MYO1F: variants seen among roughly 807,000 people sequenced by gnomAD.
MYO1F encodes unconventional myosin-If.
A neutral mutation model predicts 146.6 loss-of-function variants in MYO1F; 60 were observed. The ratio of observed to expected loss-of-function variants is 0.41; its 90% CI spans 0.33 to 0.51. The LOEUF (loss-of-function observed/expected upper bound fraction) is 0.51, where lower values mean the gene tolerates loss of function less well. Ranked by LOEUF, MYO1F falls within the 20% of genes least tolerant of loss-of-function variation. The pLI is 0.25. For missense variants in MYO1F, 1,274 were observed against 1,534.3 expected (o/e 0.83, Z 2.83); for synonymous variants, 602 against 602.1 (o/e 1.00, Z 0.00).
intron 4 of MYO1F, 60 bp downstream of exon 4, chr19:8,554,417 G>GT: frequency 7.1e-7 from 1 of 1,401,214 alleles, no homozygotes; most frequent in Non-Finnish European, 1.0e-6. Flanking sequence ...CCCTGGGGGT[G>GT]GTGATGTTTC....
intron 1 of MYO1F, among the ~76,000 whole-genome samples, chr19:8,573,480 C>A (rs1182779800): frequency 6.6e-6 from 1 of 152,162 alleles, no homozygotes; most frequent in Non-Finnish European, 1.5e-5. Flanking sequence ...GTCCCATGAG[C>A]AATTCCAGCA....
At chr19:8,525,677 T>C (rs1972237881) in intron 24 of MYO1F, 115 bp from the exon 25 acceptor site, 1 of 846,002 alleles carries the variant, frequency 1.2e-6, no homozygotes, top group Non-Finnish European at 1.9e-6. Flanking sequence ...GCTCTCCCAT[T>C]AGCACCGCCC....
intron 1 of MYO1F, among the ~76,000 whole-genome samples, chr19:8,575,387 G>T (rs1258046338): frequency 1.3e-5 from 2 of 151,978 alleles, no homozygotes; most frequent in African/African-American, 4.8e-5. Flanking sequence ...GCATTAGATT[G>T]TCATAAGCAG....
chr19:8,545,860 T>C, intron 12 of MYO1F, 124 bp from the exon 13 acceptor site: 1 of 768,218 alleles, frequency 1.3e-6, no homozygotes. Context: ...AGCCCGTCAC[T>C]CCTATGTGGG....
At chr19:8,542,688 C>T (rs1320487155) in intron 14 of MYO1F, among the ~76,000 whole-genome samples, 1 of 151,832 alleles carries the variant, frequency 6.6e-6, no homozygotes, top group Non-Finnish European at 1.5e-5. Flanking sequence ...GCAACCTCCG[C>T]CTTCCGGGAT....
chr19:8,556,463 G>A (rs192470480), intron 1 of MYO1F, among the ~76,000 whole-genome samples: 37 of 145,528 alleles, frequency 2.5e-4, no homozygotes, highest in East Asian at 1.3e-3. Flanking sequence ...GCAACATAGC[G>A]AGGCCCCGTC....
chr19:8,523,070 C>T (rs1381231958), intron 25 of MYO1F, among the ~76,000 whole-genome samples: 2 of 150,490 alleles, frequency 1.3e-5, no homozygotes, highest in Admixed American at 6.6e-5. Context: ...CTTGCTCAGT[C>T]GCTCAGGCTG....
chr19:8,553,000 C>A (rs1406986009), intron 6 of MYO1F, 139 bp downstream of exon 6: 7 of 825,106 alleles, frequency 8.5e-6, no homozygotes, highest in Non-Finnish European at 1.5e-5. Flanking sequence ...GTGAGTCTCC[C>A]CTTCAGGAGT....
intron 1 of MYO1F, among the ~76,000 whole-genome samples, chr19:8,565,101 G>C (rs2145965594): frequency 6.6e-6 from 1 of 151,970 alleles, no homozygotes; most frequent in South Asian, 2.1e-4. Context: ...ATGTTGGCCA[G>C]GCTGGTCTGT....
chr19:8,561,628 CTTTCTTTCCTTCTTTCCTTCCATTT>C (rs915279754), intron 1 of MYO1F, among the ~76,000 whole-genome samples: 31 of 129,480 alleles, frequency 2.4e-4, no homozygotes, highest in African/African-American at 8.5e-4. Context: ...TTTCTTTCTT[CTTTCTTTCCTTCTTTCCTTCCATTT>C]TTTCTTTCCT....
intron 1 of MYO1F, among the ~76,000 whole-genome samples, chr19:8,562,629 G>A (rs965287076): frequency 6.6e-6 from 1 of 151,924 alleles, no homozygotes; most frequent in Non-Finnish European, 1.5e-5. Flanking sequence ...TTGACGTCCA[G>A]GCTCAAGTGA....
Position 8,550,268 on chromosome 19 carries a change from G to C in MYO1F, c.993C>G (p.Gly331=). 6.2e-7 allele frequency: 1 copy of C among 1,614,146 alleles called. No individual in the cohort carries two copies. Among genetic ancestry groups the C allele is most frequent in the Non-Finnish European group, 8.5e-7 (1 of 1,180,036 alleles). Residue 331 remains glycine, a synonymous_variant, in exon 10 of 28, where the codon GGC becomes GGG. Transcript: ENST00000644032. ...TCACATTGATGGACTCGCTGCGCCC[G>C]CCCCAGCGGCTGTCCATCTTGCGGC... ...LTSRKMDSRW[G]GRSESINVTL...
intron 1 of MYO1F, among the ~76,000 whole-genome samples, chr19:8,574,593 CTCTCTTTCTT>C (rs1328816969): frequency 5.3e-4 from 51 of 95,654 alleles, no homozygotes; most frequent in African/African-American, 1.5e-3. Context: ...CTCTCTCTCT[CTCTCTTTCTT>C]TCTTTCTTTC....
At chr19:8,543,681 G>GTGCTGGTGGTGC (rs1973093080) in intron 14 of MYO1F, among the ~76,000 whole-genome samples, 1 of 50,194 alleles carries the variant, frequency 2.0e-5, no homozygotes, top group Non-Finnish European at 3.5e-5. Context: ...GGTGCTGGTG[G>GTGCTGGTGGTGC]TGGTGGTGGT....
chr19:8,522,709 C>T lies in MYO1F; in HGVS notation c.2975G>A (p.Ser992Asn). ...RGPPSTSLGA[S>N]RRPRARPPSE... is the part of the protein sequence containing the mutation. ...GGGCGGACGTGCCCGGGGTCGTCTG[C>T]TGGCTCCCAGGGATGTGGACGGAGG... is the stretch of plus-strand genomic sequence containing the variant. Residue 992 changes from serine to asparagine, a missense_variant, in exon 26 of 28, where the codon AGC becomes AAC. Ser to Asn is a conservative substitution (Grantham distance 46). Coordinates refer to ENST00000644032, the MANE Select transcript of MYO1F (RefSeq NM_012335.4). The T allele has an allele frequency of 1.2e-6, 2 of 1,613,882 alleles. No individual in the cohort carries two copies. The highest frequency in any genetic ancestry group is 2.7e-5 in the African/African-American group (2 of 75,066).
chr19:8,552,020 C>G lies in MYO1F; in HGVS notation c.636+13G>C. On this transcript the variant is annotated intron_variant, in intron 7 of 27. Coordinates refer to ENST00000644032, the MANE Select transcript of MYO1F (RefSeq NM_012335.4). ...CAGGTGGTGCTCCCTCTCCCCCGGC[C>G]CCTTCCCTGCACCTGGTAGTAGATG... 1 of 1,613,980 alleles carries G rather than the reference C, an allele frequency of 6.2e-7. No individual in the cohort carries two copies. Among genetic ancestry groups the G allele is most frequent in the Non-Finnish European group, 8.5e-7 (1 of 1,179,956 alleles).
intron 15 of MYO1F, chr19:8,540,456 T>A (rs1343611251): frequency 6.6e-6 from 1 of 152,440 alleles, no homozygotes; most frequent in African/African-American, 2.4e-5. Flanking sequence ...ATGCCTGTAA[T>A]CCCAGCACTT....
intron 25 of MYO1F, 76 bp from the exon 26 acceptor site, chr19:8,522,905 C>T: frequency 1.5e-6 from 2 of 1,347,936 alleles, no homozygotes; most frequent in Non-Finnish European, 2.0e-6. Context: ...GCTTCAAGTT[C>T]TCAGGCTGAG....
chr19:8,522,855 A>G (rs755373455), intron 25 of MYO1F, 26 bp from the exon 26 acceptor site: 2 of 1,537,092 alleles, frequency 1.3e-6, no homozygotes, highest in South Asian at 1.2e-5. Context: ...GGATGAAGAC[A>G]TGTATTAGGG....
Sources: allele counts gnomAD v4.1 joint callset (sites outside exome capture counted in the v4.1 genomes callset), GRCh38; gene constraint gnomAD v4.1.1; transcripts MANE v1.5; gene names NCBI Gene and HGNC (gene_info 2026-07-23, HGNC 2026-07-21).